RASGEF1C: variants seen among roughly 807,000 people sequenced by gnomAD.
The protein encoded by RASGEF1C is RasGEF domain family member 1C.
A neutral mutation model predicts 58.1 loss-of-function variants in RASGEF1C; 27 were observed. The observed-to-expected ratio is 0.46, with a 90% CI of 0.34 to 0.64. The LOEUF is 0.64. Among genes scored for constraint, RASGEF1C ranks in the 30% least tolerant of loss-of-function variants. The probability of loss-of-function intolerance (pLI) is 0.01; values close to 1 mark genes in which losing one functional copy is unlikely to be tolerated. For synonymous variants in RASGEF1C, 243 were observed against 246.3 expected, an observed-to-expected ratio of 0.99 and a Z score of 0.13; for missense variants, 502 against 605.1, an observed-to-expected ratio of 0.83 and a Z score of 1.79.
rs575169533 is a variant in RASGEF1C at position 180,200,535 on chromosome 5, G to A, written c.-7+8493C>T. ...TCACCGTGTTAGCCAGGATGGTCTC[G>A]ATCTCCTGACCTTGTGATCCGCCCA... is the stretch of plus-strand genomic sequence containing the variant. On this transcript the variant is annotated intron_variant, in intron 1 of 13. Coordinates refer to ENST00000361132, the MANE Select transcript of RASGEF1C (RefSeq NM_175062.4). Among the ~76,000 whole-genome samples, 4 of 151,676 alleles carry A rather than the reference G, an allele frequency of 2.6e-5. No homozygotes were observed. The South Asian group carries it at 6.3e-4, about 24-fold the overall frequency.
intron 1 of RASGEF1C, among the ~76,000 whole-genome samples, chr5:180,200,119 G>A (rs76586448): frequency 1.3e-5 from 2 of 151,446 alleles, no homozygotes; most frequent in Non-Finnish European, 1.5e-5. Flanking sequence ...AATTATCTGG[G>A]CACGGTGGCA....
rs370000321 is a variant in RASGEF1C at position 180,119,328 on chromosome 5, C to T, written c.907+18G>A. 2 of 1,604,212 alleles carry T rather than the reference C, an allele frequency of 1.2e-6. No homozygotes were observed. Among genetic ancestry groups the T allele is most frequent in the Non-Finnish European group, 8.5e-7 (1 of 1,171,112 alleles). On this transcript the variant is annotated intron_variant, in intron 8 of 13. Coordinates refer to ENST00000361132, the MANE Select transcript of RASGEF1C (RefSeq NM_175062.4). ...GGACCCGTGCACTGGGGGCCACAGG[C>T]CAGGCCGGCCCACTCACAGATGATG...
intron 1 of RASGEF1C, among the ~76,000 whole-genome samples, chr5:180,194,950 C>T (rs538841989): frequency 6.6e-6 from 1 of 152,312 alleles, no homozygotes; most frequent in East Asian, 1.9e-4. Flanking sequence ...TGAAGGTTGA[C>T]AGGAAAATCG....
chr5:180,111,671 C>G, intron 11 of RASGEF1C, 91 bp from the exon 12 acceptor site: 1 of 1,449,224 alleles, frequency 6.9e-7, no homozygotes. Flanking sequence ...GAGACCCTCT[C>G]AACACCCAGT....
At chr5:180,199,815 T>A (rs1756350914) in intron 1 of RASGEF1C, among the ~76,000 whole-genome samples, 1 of 152,000 alleles carries the variant, frequency 6.6e-6, no homozygotes, top group Non-Finnish European at 1.5e-5. Context: ...CAGGTATCAG[T>A]GATCTCACCT....
intron 10 of RASGEF1C, among the ~76,000 whole-genome samples, chr5:180,117,320 C>G (rs561663552): frequency 6.6e-6 from 1 of 152,218 alleles, no homozygotes; most frequent in South Asian, 2.1e-4. Flanking sequence ...GTGGCACAAG[C>G]GTGCACACCT....
chr5:180,103,246 G>T (rs939803383), intron 12 of RASGEF1C, among the ~76,000 whole-genome samples: 64 of 152,176 alleles, frequency 4.2e-4, no homozygotes, highest in East Asian at 9.7e-4. Context: ...CCCGGCTAAT[G>T]TTTTGTATTT....
In RASGEF1C at chr5:180,143,069, G is replaced by A. The variant is rs1013066433; in HGVS notation, c.-6-5011C>T. On this transcript the variant is annotated intron_variant, in intron 1 of 13. Transcript: ENST00000361132. This position sits in a 1 kb window ranked among gnomAD's most constrained non-coding sequence, Gnocchi z 4.3. ...CATCTCTCCTTGTGTGTGTCTCCAGGCCCTGCACCTGGAGGTCCTGGGGCT... is the reference window on the plus strand; with the variant it reads ...CATCTCTCCTTGTGTGTGTCTCCAGACCCTGCACCTGGAGGTCCTGGGGCT... Among the ~76,000 whole-genome samples, 1 of 152,056 alleles carries A rather than the reference G, an allele frequency of 6.6e-6. No homozygotes were observed. Among genetic ancestry groups the A allele is most frequent in the African/African-American group, 2.4e-5 (1 of 41,410 alleles).
intron 6 of RASGEF1C, among the ~76,000 whole-genome samples, chr5:180,125,930 G>C (rs12513927): frequency 0.013 from 1,965 of 152,274 alleles, 53 homozygotes; most frequent in African/African-American, 0.045. Flanking sequence ...TACAGAAAGT[G>C]TGCACTCGTG....
At position 180,156,764 on chromosome 5, in the gene RASGEF1C, C is replaced by A. The variant is rs1390051568; in HGVS notation, c.-6-18706G>T. Reference sequence around the variant, plus strand: ...TCCAGCCTGGGCAACCAGAGTGAGACCCTGTCTCAAAAAAAAGTAAATAAA... The same window carrying A: ...TCCAGCCTGGGCAACCAGAGTGAGAACCTGTCTCAAAAAAAAGTAAATAAA... On this transcript the variant is annotated intron_variant, in intron 1 of 13. Transcript: ENST00000361132. This position sits in a 1 kb window ranked among gnomAD's most constrained non-coding sequence, Gnocchi z 4.9. 6.6e-6 allele frequency among the ~76,000 whole-genome samples: 1 copy of A among 152,006 alleles called. No homozygotes were observed. The highest frequency in any genetic ancestry group is 1.9e-4 in the East Asian group (1 of 5,192).
chr5:180,190,350 C>A (rs545941699), intron 1 of RASGEF1C, among the ~76,000 whole-genome samples: 1 of 151,580 alleles, frequency 6.6e-6, no homozygotes, highest in Non-Finnish European at 1.5e-5. Context: ...ATTAGCCGGG[C>A]GTGGTGGCGG....
chr5:180,166,788 T>C (rs1376897253), intron 1 of RASGEF1C, among the ~76,000 whole-genome samples: 2 of 152,154 alleles, frequency 1.3e-5, no homozygotes, highest in East Asian at 3.8e-4. Context: ...AGTGCTGGGA[T>C]TACAGGTGTG....
chr5:180,178,906 G>A (rs192711504), intron 1 of RASGEF1C, among the ~76,000 whole-genome samples: 4 of 152,096 alleles, frequency 2.6e-5, no homozygotes, highest in Non-Finnish European at 4.4e-5. Flanking sequence ...AATGTTCTTG[G>A]GGGGGGAGGG....
chr5:180,207,497 G>A (rs1041826661), intron 1 of RASGEF1C, among the ~76,000 whole-genome samples: 3 of 152,258 alleles, frequency 2.0e-5, no homozygotes, highest in Non-Finnish European at 2.9e-5. Context: ...AGAGACTGGC[G>A]GGGACATGGC....
intron 4 of RASGEF1C, among the ~76,000 whole-genome samples, chr5:180,135,046 C>CCT (rs1554112751): frequency 1.9e-4 from 5 of 25,700 alleles, no homozygotes; most frequent in Non-Finnish European, 3.0e-4. Flanking sequence ...GCTGTCCCCA[C>CCT]CCCCCCCGTC....
intron 1 of RASGEF1C, among the ~76,000 whole-genome samples, chr5:180,153,919 C>T (rs930566106): frequency 6.6e-6 from 1 of 152,200 alleles, no homozygotes; most frequent in Admixed American, 6.5e-5. Context: ...TCCCAGTCCC[C>T]GTACTCCAAA....
At chr5:180,183,975 C>T (rs962172086) in intron 1 of RASGEF1C, among the ~76,000 whole-genome samples, 4 of 151,494 alleles carry the variant, frequency 2.6e-5, no homozygotes, top group Non-Finnish European at 4.4e-5. Context: ...GGTTTGAGAC[C>T]AGCCTGGTCA....
intron 1 of RASGEF1C, among the ~76,000 whole-genome samples, chr5:180,186,976 A>AAAAC (rs1756055504): frequency 6.6e-6 from 1 of 152,090 alleles, no homozygotes; most frequent in African/African-American, 2.4e-5. Flanking sequence ...CAAACAAAAC[A>AAAAC]AAAAAACCAC....
At position 180,187,279 on chromosome 5, in the gene RASGEF1C, A is replaced by G. The variant is rs369367988; in HGVS notation, c.-7+21749T>C. On this transcript the variant is annotated intron_variant, in intron 1 of 13. Coordinates refer to ENST00000361132, the MANE Select transcript of RASGEF1C (RefSeq NM_175062.4). The stretch of plus-strand genomic sequence containing the variant: ...TATAATTATTAATTCAAAATGGATC[A>G]GAGACCTATATATACGAGCTAAAAC... 7.2e-5 allele frequency among the ~76,000 whole-genome samples: 11 copies of G among 152,362 alleles called. No homozygotes were observed. In the South Asian group the frequency reaches 1.7e-3, roughly 23 times the overall value.
Sources: allele counts gnomAD v4.1 joint callset (sites outside exome capture counted in the v4.1 genomes callset), GRCh38; gene constraint gnomAD v4.1.1; non-coding constraint Gnocchi (gnomAD v3.1); transcripts MANE v1.5; gene names NCBI Gene and HGNC (gene_info 2026-07-23, HGNC 2026-07-21).